IPO8: variants seen among roughly 807,000 people sequenced by gnomAD.
The protein encoded by IPO8 is importin-8.
Under a neutral mutation model 141.2 loss-of-function variants are expected in IPO8, and 65 were observed. The ratio of observed to expected loss-of-function variants is 0.46; its 90% CI spans 0.38 to 0.57. IPO8 has a LOEUF of 0.57. IPO8 is among the 20% of genes least tolerant of loss of function. The probability of loss-of-function intolerance (pLI) is 0.00; values close to 1 mark genes in which losing one functional copy is unlikely to be tolerated. For synonymous variants in IPO8, 411 were observed against 420.3 expected, an observed-to-expected ratio of 0.98 and a Z score of 0.27; for missense variants, 980 against 1,246.8, an observed-to-expected ratio of 0.79 and a Z score of 3.22.
intron 20 of IPO8, among the ~76,000 whole-genome samples, chr12:30,646,783 C>G (rs1160183764): frequency 3.3e-5 from 5 of 152,202 alleles, no homozygotes; most frequent in African/African-American, 1.2e-4. Context: ...AACTTATACT[C>G]TGATAACAAC....
chr12:30,637,743 T>C (rs34941462), intron 21 of IPO8, among the ~76,000 whole-genome samples: 251 of 152,266 alleles, frequency 1.6e-3, no homozygotes, highest in Non-Finnish European at 2.9e-3. Context: ...GAAAATTTTA[T>C]TCAGAAAGAA....
chr12:30,695,491 G>A lies in IPO8; in HGVS notation c.84+73C>T. On this transcript the variant is annotated intron_variant, in intron 1 of 24. Coordinates refer to ENST00000256079, the MANE Select transcript of IPO8 (RefSeq NM_006390.4). This position sits in a 1 kb window ranked among gnomAD's most constrained non-coding sequence, Gnocchi z 4.2. ...GTGGGGGTGAGGACGAGGGGCGCCGGGGAGAGGGAGCCCGGCCAGCCGGCA... is the reference window on the plus strand; with the variant it reads ...GTGGGGGTGAGGACGAGGGGCGCCGAGGAGAGGGAGCCCGGCCAGCCGGCA... 1 of 1,355,448 alleles carries A rather than the reference G, an allele frequency of 7.4e-7. No individual in the cohort carries two copies. The highest frequency in any genetic ancestry group is 1.1e-6 in the Non-Finnish European group (1 of 951,718). 84.0% of individuals were successfully genotyped at this position (1,355,448 alleles called of 1,614,324 possible).
chr12:30,648,246 A>G (rs1291354932), intron 20 of IPO8, among the ~76,000 whole-genome samples: 1 of 152,258 alleles, frequency 6.6e-6, no homozygotes, highest in Non-Finnish European at 1.5e-5. Context: ...TGGCATTAAA[A>G]GAAATAAAGT....
At chr12:30,669,056 A>C in intron 10 of IPO8, 127 bp downstream of exon 10, 1 of 498,800 alleles carries the variant, frequency 2.0e-6, no homozygotes, top group Non-Finnish European at 3.5e-6. Context: ...TCAAAGTTTC[A>C]GATTATGTCA....
intron 21 of IPO8, among the ~76,000 whole-genome samples, chr12:30,637,485 G>A (rs2052518726): frequency 6.6e-6 from 1 of 152,070 alleles, no homozygotes. Context: ...TTTTAATAAA[G>A]CAGAAATACC....
chr12:30,685,719 G>C (rs542803959), intron 2 of IPO8, among the ~76,000 whole-genome samples: 1 of 151,450 alleles, frequency 6.6e-6, no homozygotes, highest in East Asian at 2.0e-4. Flanking sequence ...GAGGTCAGGA[G>C]TTCGAGACCA....
At chr12:30,641,706 T>C (rs1286336619) in intron 20 of IPO8, among the ~76,000 whole-genome samples, 1 of 151,670 alleles carries the variant, frequency 6.6e-6, no homozygotes, top group African/African-American at 2.4e-5. Context: ...TAAAAAGAGC[T>C]ACTAAAAAAA....
Position 30,665,235 on chromosome 12 carries a change from TC to T in IPO8, c.1412del (p.Gly471AspfsTer17). 1.3e-6 allele frequency: 2 copies of T among 1,572,180 alleles called. No homozygotes were observed. Among genetic ancestry groups the T allele is most frequent in the Non-Finnish European group, 1.7e-6 (2 of 1,145,912 alleles). On this transcript the variant is annotated frameshift_variant, in exon 13 of 25. Coordinates refer to ENST00000256079, the MANE Select transcript of IPO8 (RefSeq NM_006390.4). LOFTEE classifies it high-confidence loss of function. ...HVFPLLLSNL[G>X]YLRARSCWVL... is the part of the protein sequence containing the mutation. ...AAAAACTTACTCTAGCTCGAAGATA[TC>T]CCAGGTTAGACAATAATAATGGAAA...
chr12:30,688,123 A>G (rs940885508), intron 2 of IPO8, among the ~76,000 whole-genome samples: 1 of 152,172 alleles, frequency 6.6e-6, no homozygotes, highest in African/African-American at 2.4e-5. Flanking sequence ...AGATGTAAGA[A>G]GTAAAAAATT....
Position 30,630,699 on chromosome 12 carries a change from C to A in IPO8, c.*161G>T. 1.7e-6 allele frequency: 1 copy of A among 594,732 alleles called. No homozygotes were observed. Among genetic ancestry groups the A allele is most frequent in the South Asian group, 2.1e-5 (1 of 47,228 alleles). The allele number at this position is 594,732 out of a possible 1,614,324, so 36.8% of individuals were successfully genotyped here. On this transcript the variant is annotated 3_prime_UTR_variant, in exon 25 of 25. Coordinates refer to ENST00000256079, the MANE Select transcript of IPO8 (RefSeq NM_006390.4). ...ATATATATTTCAGGGTGACAAAGGT[C>A]AAAGGGGAAAGAGTAGATAAAAGTG...
At chr12:30,681,478 A>C (rs2053187768) in intron 4 of IPO8, among the ~76,000 whole-genome samples, 181 bp downstream of exon 4, 1 of 152,250 alleles carries the variant, frequency 6.6e-6, no homozygotes. Flanking sequence ...AATATCCATC[A>C]GCACATTAAA....
intron 16 of IPO8, among the ~76,000 whole-genome samples, chr12:30,657,322 G>A (rs187095859): frequency 4.2e-4 from 64 of 152,052 alleles, no homozygotes; most frequent in Admixed American, 1.4e-3. Flanking sequence ...AAAGATGTTC[G>A]TTATAATACA....
rs1015048190 is a variant in IPO8, at chr12:30,629,945, G to C, written c.*915C>G. On this transcript the variant is annotated 3_prime_UTR_variant, in exon 25 of 25. Transcript: ENST00000256079. Reference sequence around the variant, plus strand: ...TAAAATACAAGTCCCCATCCAGAAAGACAGTGTGCTTACGTAGCACCTGTC... The same window carrying C: ...TAAAATACAAGTCCCCATCCAGAAACACAGTGTGCTTACGTAGCACCTGTC... The C allele has an allele frequency of 7.9e-5, 12 of 152,278 alleles. No homozygotes were observed. Among genetic ancestry groups the C allele is most frequent in the African/African-American group, 2.4e-4 (10 of 41,558 alleles). 9.4% of individuals were successfully genotyped at this position (152,278 alleles called of 1,614,324 possible).
rs189557584 is a variant in IPO8, at chr12:30,665,021, T to A, written c.1428+199A>T. Among the ~76,000 whole-genome samples, 102 of 152,366 alleles carry A rather than the reference T, an allele frequency of 6.7e-4. 2 individuals are homozygous for A. The East Asian group carries it at 0.017, about 26-fold the overall frequency. On this transcript the variant is annotated intron_variant, in intron 13 of 24. Coordinates refer to ENST00000256079, the MANE Select transcript of IPO8 (RefSeq NM_006390.4). ...TCCCAAAGTGCTGGGATTACAGGCA[T>A]GAGCCACTGCGCCCAGCCTATAAAT...
chr12:30,646,089 G>A (rs11051009), intron 20 of IPO8, among the ~76,000 whole-genome samples: 43,255 of 152,018 alleles, frequency 0.28, 7,234 homozygotes, highest in African/African-American at 0.45. Context: ...TATATATTAT[G>A]CACATAGACA....
At chr12:30,671,316 A>G (rs950646324) in intron 8 of IPO8, among the ~76,000 whole-genome samples, 7 of 152,182 alleles carry the variant, frequency 4.6e-5, no homozygotes, top group African/African-American at 1.7e-4. Flanking sequence ...ACTTCCAGGC[A>G]AAGTCTAAAT....
At chr12:30,673,715 G>A (rs1011740699) in intron 8 of IPO8, among the ~76,000 whole-genome samples, 4 of 152,134 alleles carry the variant, frequency 2.6e-5, no homozygotes, top group Non-Finnish European at 4.4e-5. Context: ...TCTAATACTG[G>A]TGACTGCTAC....
rs116801956 is a variant in IPO8 at position 30,671,155 on chromosome 12, G to A, written c.910-59C>T. 5.3e-4 allele frequency: 630 copies of A among 1,195,030 alleles called. 1 individual carries two copies. The African/African-American group carries it at 8.8e-3, about 17-fold the overall frequency. 74.0% of individuals were successfully genotyped at this position (1,195,030 alleles called of 1,614,324 possible). ...ACAATTATAAGGTTAAAAGGGGGAG[G>A]TGCCATTTTTGGCATGACCTAAAAT... On this transcript the variant is annotated intron_variant, in intron 8 of 24. Transcript: ENST00000256079.
At chr12:30,655,577 T>C (rs924133653) in intron 17 of IPO8, among the ~76,000 whole-genome samples, 6 of 152,172 alleles carry the variant, frequency 3.9e-5, no homozygotes, top group Non-Finnish European at 8.8e-5. Flanking sequence ...TTCTGTTCTT[T>C]CTATGAGTTT....
Sources: allele counts gnomAD v4.1 joint callset (sites outside exome capture counted in the v4.1 genomes callset), GRCh38; gene constraint gnomAD v4.1.1; non-coding constraint Gnocchi (gnomAD v3.1); transcripts MANE v1.5; gene names NCBI Gene and HGNC (gene_info 2026-07-23, HGNC 2026-07-21).